Variants in NPAS3 observed in about 807,000 individuals in gnomAD.
NPAS3 encodes neuronal PAS domain protein 3, also known as neuronal PAS domain-containing protein 3.
NPAS3 carries 14 observed loss-of-function variants against 73.1 expected under a neutral mutation model. That is an observed-to-expected ratio of 0.19 (90% CI 0.13 to 0.30). The LOEUF (loss-of-function observed/expected upper bound fraction) is 0.30, where lower values mean the gene tolerates loss of function less well. Among genes scored for constraint, NPAS3 ranks in the 10% least tolerant of loss-of-function variants. The pLI is 1.00. For synonymous variants in NPAS3, 620 were observed against 541.5 expected (o/e 1.14, Z -2.01); for missense variants, 1,096 against 1,250.0 (o/e 0.88, Z 1.86).
rs2063669905 is a variant in NPAS3 at position 33,800,480 on chromosome 14, G to C, written c.2173G>C (p.Ala725Pro). The change falls in exon 12 of 12, where the codon GCC becomes CCC. Residue 725 changes from alanine (A) to proline (P), a missense_variant. Around this residue, in one of 5 missense-constraint regions of NPAS3, gnomAD observed 698 missense variants for 676.7 expected, o/e 1.03. Transcript: ENST00000356141. The surrounding 1 kb of genome is among the most constrained non-coding windows in gnomAD (Gnocchi z 6.5). The stretch of plus-strand genomic sequence containing the variant: ...CACCCCGCCCGGCGCCGACGGCGCG[G>C]CCGCCCGCAAGACTCAGTTCGGCGC... The C allele has an allele frequency of 1.3e-6, 2 of 1,482,648 alleles. No homozygotes were observed. 91.8% of individuals were successfully genotyped at this position (1,482,648 alleles called of 1,614,324 possible).
In NPAS3 at chr14:33,119,766, G is replaced by A. The variant is rs897152162; in HGVS notation, c.140+63772G>A. On this transcript the variant is annotated intron_variant, in intron 2 of 11. Transcript: ENST00000356141. ...GATCTATTGTTCACGCCCTACTCCC[G>A]CATTACATTTCTGGTAGGTGATGTT... Among the ~76,000 whole-genome samples, 7 of 152,204 alleles carry A rather than the reference G, an allele frequency of 4.6e-5. No individual in the cohort carries two copies. The East Asian group carries it at 7.8e-4, about 17-fold the overall frequency.
At chr14:33,257,711 A>G (rs1470101948) in intron 3 of NPAS3, among the ~76,000 whole-genome samples, 1 of 152,216 alleles carries the variant, frequency 6.6e-6, no homozygotes, top group East Asian at 1.9e-4. Context: ...ACAATTCACC[A>G]TTAACAGGTC....
chr14:32,950,093 C>T (rs1276080899), intron 1 of NPAS3, among the ~76,000 whole-genome samples: 1 of 152,006 alleles, frequency 6.6e-6, no homozygotes, highest in African/African-American at 2.4e-5. Flanking sequence ...AACATTTAAA[C>T]ATCCGTTAGT....
At chr14:33,680,362 G>A (rs1245169857) in intron 6 of NPAS3, among the ~76,000 whole-genome samples, 1 of 151,914 alleles carries the variant, frequency 6.6e-6, no homozygotes, top group Non-Finnish European at 1.5e-5. Flanking sequence ...CTGAATTCAG[G>A]GAAAAAGGAG....
At chr14:33,703,382 C>T (rs1425915572) in intron 6 of NPAS3, among the ~76,000 whole-genome samples, 1 of 152,008 alleles carries the variant, frequency 6.6e-6, no homozygotes, top group South Asian at 2.1e-4. Flanking sequence ...TAGTCCCAGA[C>T]ACTTGAGAGG....
intron 2 of NPAS3, among the ~76,000 whole-genome samples, chr14:33,103,390 T>A (rs543893153): frequency 2.0e-5 from 3 of 152,166 alleles, no homozygotes; most frequent in Non-Finnish European, 4.4e-5. Context: ...TCAACCTTCA[T>A]GTGCTGTTCT....
intron 1 of NPAS3, among the ~76,000 whole-genome samples, chr14:32,998,622 C>A (rs998332723): frequency 2.0e-5 from 3 of 152,180 alleles, no homozygotes; most frequent in Non-Finnish European, 4.4e-5. Flanking sequence ...CTATAGGAGA[C>A]CTTCACAATC....
intron 1 of NPAS3, among the ~76,000 whole-genome samples, chr14:32,991,286 T>C (rs535404516): frequency 5.0e-4 from 76 of 152,206 alleles, no homozygotes; most frequent in Non-Finnish European, 2.2e-4. Context: ...CCATGTAAAA[T>C]GTAATCTGGA....
chr14:33,498,953 T>A (rs1001356715), intron 4 of NPAS3, among the ~76,000 whole-genome samples: 31 of 146,734 alleles, frequency 2.1e-4, no homozygotes, highest in Non-Finnish European at 3.8e-4. Flanking sequence ...TGTGTGTGTG[T>A]GTGTGTGTGT....
At chr14:33,380,827 C>G (rs984448711) in intron 4 of NPAS3, among the ~76,000 whole-genome samples, 1 of 152,138 alleles carries the variant, frequency 6.6e-6, no homozygotes, top group African/African-American at 2.4e-5. Flanking sequence ...GCAGCTCTTT[C>G]CCTCAATTCT....
intron 5 of NPAS3, among the ~76,000 whole-genome samples, chr14:33,626,786 A>G (rs1201271671): frequency 1.3e-5 from 2 of 152,190 alleles, no homozygotes; most frequent in African/African-American, 2.4e-5. Context: ...GAAACCAAAT[A>G]CATCAGTTTT....
At chr14:33,512,825 C>A (rs549391009) in intron 4 of NPAS3, among the ~76,000 whole-genome samples, 1 of 152,152 alleles carries the variant, frequency 6.6e-6, no homozygotes, top group East Asian at 1.9e-4. Flanking sequence ...CTGATTTAGA[C>A]TTCTTATTTT....
intron 5 of NPAS3, among the ~76,000 whole-genome samples, chr14:33,634,494 G>A (rs1046194033): frequency 6.6e-6 from 1 of 152,172 alleles, no homozygotes; most frequent in Non-Finnish European, 1.5e-5. Flanking sequence ...GATCATTTAG[G>A]GGCTGAGGCC....
At chr14:33,205,308 A>C (rs1286942968) in intron 2 of NPAS3, among the ~76,000 whole-genome samples, 1 of 152,194 alleles carries the variant, frequency 6.6e-6, no homozygotes, top group Non-Finnish European at 1.5e-5. Context: ...TATCTTGAGA[A>C]TATCCCATAC....
intron 4 of NPAS3, among the ~76,000 whole-genome samples, chr14:33,526,858 C>A (rs2053824531): frequency 6.6e-6 from 1 of 152,074 alleles, no homozygotes; most frequent in Admixed American, 6.6e-5. Flanking sequence ...TCAGACCTCA[C>A]TGTGTTAATG....
chr14:33,337,562 AT>A (rs1289139852), intron 3 of NPAS3, among the ~76,000 whole-genome samples: 2 of 151,890 alleles, frequency 1.3e-5, no homozygotes, highest in East Asian at 3.9e-4. Context: ...TGCTTTCACT[AT>A]TCTAGATTAT....
intron 4 of NPAS3, among the ~76,000 whole-genome samples, chr14:33,520,126 A>T (rs9671514): frequency 0.27 from 41,187 of 151,746 alleles, 6,249 homozygotes; most frequent in African/African-American, 0.42. Flanking sequence ...ATCTTCAGCT[A>T]GCAGAAGTTT....
chr14:33,055,833 C>T, intron 1 of NPAS3, 72 bp from the exon 2 acceptor site: 1 of 739,260 alleles, frequency 1.4e-6, no homozygotes, highest in Non-Finnish European at 2.4e-6. Flanking sequence ...TTTCAACATA[C>T]TTGTTATCCT....
intron 3 of NPAS3, among the ~76,000 whole-genome samples, chr14:33,317,036 T>G (rs981510791): frequency 4.6e-5 from 7 of 152,062 alleles, no homozygotes; most frequent in African/African-American, 1.7e-4. Context: ...CTTCAGTGTC[T>G]AATAGGAGTG....
Sources: gnomAD v4.1 joint callset for allele counts (sites outside exome capture counted in the v4.1 genomes callset) on GRCh38, gnomAD v4.1.1 for gene constraint, gnomAD v4.1.1 regional missense constraint, Gnocchi (gnomAD v3.1) non-coding constraint, MANE v1.5 for transcripts, NCBI Gene and HGNC (gene_info 2026-07-23, HGNC 2026-07-21) for gene names.